MYO7B: variants seen among roughly 807,000 people sequenced by gnomAD.
MYO7B encodes myosin VIIB, also known as unconventional myosin-VIIb.
MYO7B carries 212 observed loss-of-function variants against 259.7 expected under a neutral mutation model. The observed-to-expected ratio is 0.82, with a 90% CI of 0.73 to 0.91. The LOEUF is 0.91. Ranked by LOEUF, MYO7B falls within the 40% of genes least tolerant of loss-of-function variation. The pLI is 0.00. For synonymous variants in MYO7B, 1,197 were observed against 1,166.4 expected (o/e 1.03, Z -0.54); for missense variants, 2,732 against 2,813.5 (o/e 0.97, Z 0.66).
intron 9 of MYO7B, among the ~76,000 whole-genome samples, chr2:127,578,611 G>A (rs932945745): frequency 2.0e-5 from 3 of 152,108 alleles, no homozygotes; most frequent in African/African-American, 7.2e-5. Context: ...TGTGAGCAAG[G>A]GGTGGTCTGG....
intron 3 of MYO7B, 91 bp downstream of exon 3, chr2:127,564,357 A>C: frequency 9.5e-7 from 1 of 1,051,992 alleles, no homozygotes; most frequent in Non-Finnish European, 1.4e-6. Context: ...TCTCCCCAAC[A>C]CCAGGGGCTC....
At chr2:127,551,458 G>C (rs1693440418) in intron 1 of MYO7B, among the ~76,000 whole-genome samples, 1 of 152,176 alleles carries the variant, frequency 6.6e-6, no homozygotes, top group African/African-American at 2.4e-5. Flanking sequence ...CAGGCTGAGA[G>C]ATCTTAGAGA....
At chr2:127,538,717 C>T (rs1424690139) in intron 1 of MYO7B, among the ~76,000 whole-genome samples, 1 of 152,060 alleles carries the variant, frequency 6.6e-6, no homozygotes, top group South Asian at 2.1e-4. Context: ...AGGCGCACAC[C>T]ACCACGCCCG....
chr2:127,617,889 G>A lies in MYO7B; in HGVS notation c.3399-2451G>A, dbSNP rs544391718. 2.1e-3 allele frequency among the ~76,000 whole-genome samples: 297 copies of A among 140,578 alleles called. 2 individuals are homozygous for A. Among genetic ancestry groups the A allele is most frequent in the South Asian group, 0.016 (71 of 4,404 alleles). 92.2% of individuals were successfully genotyped at this position (140,578 alleles called of 152,430 possible). A position where few individuals can be genotyped will look rare whatever the true frequency, so the allele number is the denominator to read the frequency against. On this transcript the variant is annotated intron_variant, in intron 26 of 47. Transcript: ENST00000409816. ...TTTTTTGCTCCAGCAGACCTTCCTC[G>A]CTCAAGTCCTTATAGGACCCTATTG...
Position 127,635,878 on chromosome 2 carries a change from C to T in MYO7B, c.5977C>T (p.Arg1993Cys), listed in dbSNP as rs181858311. 1.3e-4 allele frequency: 209 copies of T among 1,580,280 alleles called. 1 individual carries two copies. The East Asian group carries it at 1.5e-3, about 11-fold the overall frequency. ...GGAACTGGTGCCTGAGAACCTCACA[C>T]GCCTGATGTCCTCGGAGGAGTGGAA... Reference protein sequence around the residue: ...LRELVPENLTRLMSSEEWKKS... With the variant: ...LRELVPENLTCLMSSEEWKKS... The change falls in exon 44 of 48, where the codon CGC becomes TGC. Residue 1993 changes from arginine to cysteine, a missense_variant. Around this residue, in one of 3 missense-constraint regions of MYO7B, gnomAD observed 821 missense variants for 769.3 expected, o/e 1.07. Coordinates refer to ENST00000409816, the MANE Select transcript of MYO7B (RefSeq NM_001393586.1).
At chr2:127,542,524 C>A (rs1329716708) in intron 1 of MYO7B, among the ~76,000 whole-genome samples, 1 of 152,222 alleles carries the variant, frequency 6.6e-6, no homozygotes, top group Non-Finnish European at 1.5e-5. Context: ...ATATCCCAGA[C>A]AACCCCTGTT....
At chr2:127,624,731 C>T (rs1182883590) in intron 30 of MYO7B, among the ~76,000 whole-genome samples, 1 of 152,196 alleles carries the variant, frequency 6.6e-6, no homozygotes, top group South Asian at 2.1e-4. Context: ...CTGGGGGGCT[C>T]GGGAGGGGCT....
intron 2 of MYO7B, among the ~76,000 whole-genome samples, chr2:127,560,071 G>A (rs1485288907): frequency 1.3e-5 from 2 of 149,730 alleles, no homozygotes; most frequent in Non-Finnish European, 3.0e-5. Flanking sequence ...CTGTCACCCA[G>A]GCTGGAGTCC....
At position 127,535,957 on chromosome 2, in the gene MYO7B, A is replaced by T. The variant is rs1447532250; in HGVS notation, c.-24+126A>T. The T allele has an allele frequency of 6.6e-6, 1 of 152,578 alleles. No individual in the cohort carries two copies. Among genetic ancestry groups the T allele is most frequent in the Non-Finnish European group, 1.5e-5 (1 of 68,364 alleles). 9.5% of individuals were successfully genotyped at this position (152,578 alleles called of 1,614,324 possible). ...AACAGGTCTGAGGGATAGAGAGTGGAGAAGCCCTTCAGGAGCCTGGAAACC... is the reference window on the plus strand; with the variant it reads ...AACAGGTCTGAGGGATAGAGAGTGGTGAAGCCCTTCAGGAGCCTGGAAACC... On this transcript the variant is annotated intron_variant, in intron 1 of 47. Transcript: ENST00000409816. This position sits in a 1 kb window ranked among gnomAD's most constrained non-coding sequence, Gnocchi z 4.8.
chr2:127,628,478 G>A lies in MYO7B; in HGVS notation c.4567G>A (p.Glu1523Lys), dbSNP rs1408734790. 1 of 1,561,176 alleles carries A rather than the reference G, an allele frequency of 6.4e-7. No homozygotes were observed. Among genetic ancestry groups the A allele is most frequent in the Non-Finnish European group, 8.7e-7 (1 of 1,154,536 alleles). ...CGCTGAGCTGGTGGCCCTGTTCCTG[G>A]AGGGCCTGAAGGAGAGGTCCATTTT... ...AIAELVALFL[E>K]GLKERSIFAM... Residue 1523 changes from glutamate to lysine, a missense_variant, in exon 34 of 48, where the codon GAG (glutamate) becomes AAG (lysine). Glu to Lys is a moderately conservative substitution (Grantham distance 56). Around this residue, in one of 3 missense-constraint regions of MYO7B, gnomAD observed 1,906 missense variants for 2,026.4 expected, o/e 0.94. Transcript: ENST00000409816. This position sits in a 1 kb window ranked among gnomAD's most constrained non-coding sequence, Gnocchi z 4.8.
intron 20 of MYO7B, 47 bp downstream of exon 20, chr2:127,605,975 C>T (rs1680146554): frequency 6.7e-7 from 1 of 1,488,764 alleles, no homozygotes. Context: ...CAGCGGGTAA[C>T]TGTCCAGTAA....
intron 47 of MYO7B, 81 bp from the exon 48 acceptor site, chr2:127,637,235 G>T: frequency 9.1e-7 from 1 of 1,099,018 alleles, no homozygotes; most frequent in Non-Finnish European, 1.4e-6. Flanking sequence ...GGTTGCTGAG[G>T]AAGAGAAGGT....
Position 127,574,011 on chromosome 2 carries a change from G to A in MYO7B, c.684G>A (p.Glu228=), listed in dbSNP as rs1354186351. 5.0e-6 allele frequency: 8 copies of A among 1,613,918 alleles called. No individual in the cohort carries two copies. The highest frequency in any genetic ancestry group is 6.8e-6 in the Non-Finnish European group (8 of 1,179,902). The change falls in exon 7 of 48, where the codon GAG becomes GAA. Residue 228 remains glutamate (E), a synonymous_variant. Coordinates refer to ENST00000409816, the MANE Select transcript of MYO7B (RefSeq NM_001393586.1). ...DIYFNPSGVI[E]GARIEQFLLE... is the part of the protein sequence containing the mutation. Reference sequence around the variant, plus strand: ...ACTTTAACCCCAGCGGGGTGATCGAGGGCGCGCGCATCGAGCAATTTCTCC... The same window carrying A: ...ACTTTAACCCCAGCGGGGTGATCGAAGGCGCGCGCATCGAGCAATTTCTCC...
intron 4 of MYO7B, among the ~76,000 whole-genome samples, chr2:127,565,692 T>A (rs774277797): frequency 3.9e-5 from 6 of 152,304 alleles, no homozygotes; most frequent in Non-Finnish European, 5.9e-5. Flanking sequence ...CCAGGCATGT[T>A]GTAGAGACAG....
intron 35 of MYO7B, among the ~76,000 whole-genome samples, chr2:127,630,163 C>T (rs1320634707): frequency 6.6e-6 from 1 of 152,232 alleles, no homozygotes; most frequent in Non-Finnish European, 1.5e-5. Flanking sequence ...CCACCCCAGC[C>T]CCCAAGACCA....
chr2:127,628,296 A>T lies in MYO7B; in HGVS notation c.4461-76A>T. Reference sequence around the variant, plus strand: ...TCTGTGACTCAGGACCCCCAACCCCACCTCCCGAGGCTGTTTAGGGGCTGG... The same window carrying T: ...TCTGTGACTCAGGACCCCCAACCCCTCCTCCCGAGGCTGTTTAGGGGCTGG... On this transcript the variant is annotated intron_variant, in intron 33 of 47. Coordinates refer to ENST00000409816, the MANE Select transcript of MYO7B (RefSeq NM_001393586.1). The surrounding 1 kb of genome is among the most constrained non-coding windows in gnomAD (Gnocchi z 4.8). The T allele has an allele frequency of 6.5e-7, 1 of 1,526,798 alleles. No individual in the cohort carries two copies. The highest frequency in any genetic ancestry group is 8.8e-7 in the Non-Finnish European group (1 of 1,136,530). 94.6% of individuals were successfully genotyped at this position (1,526,798 alleles called of 1,614,324 possible). A position where few individuals can be genotyped will look rare whatever the true frequency, so the allele number is the denominator to read the frequency against.
Position 127,632,412 on chromosome 2 carries a change from T to G in MYO7B, c.5405+11T>G, listed in dbSNP as rs1681572477. The G allele has an allele frequency of 6.5e-7, 1 of 1,526,844 alleles. No homozygotes were observed. 94.6% of individuals were successfully genotyped at this position (1,526,844 alleles called of 1,614,324 possible). On this transcript the variant is annotated intron_variant, in intron 39 of 47. Coordinates refer to ENST00000409816, the MANE Select transcript of MYO7B (RefSeq NM_001393586.1). ...CCAGAAGGTCCTGAGGTGAGCCCAG[T>G]GCCTCCAGCCCCCAGCATTGGCCCT... is the stretch of plus-strand genomic sequence containing the variant.
In MYO7B at chr2:127,620,375, C is replaced by T. The variant is rs756464965; in HGVS notation, c.3434C>T (p.Ser1145Leu). Reference sequence around the variant, plus strand: ...TACTGCCAGATCTGCAAGCAGCTCTCGGAGAACTTCAAAACAAGCAGCCTG... The same window carrying T: ...TACTGCCAGATCTGCAAGCAGCTCTTGGAGAACTTCAAAACAAGCAGCCTG... Reference protein sequence around the residue: ...EIYCQICKQLSENFKTSSLAR... With the variant: ...EIYCQICKQLLENFKTSSLAR... The change falls in exon 27 of 48, where the codon TCG becomes TTG. Residue 1145 changes from serine to leucine, a missense_variant. By Grantham distance (145) the Ser-to-Leu change is moderately radical. Around this residue, in one of 3 missense-constraint regions of MYO7B, gnomAD observed 1,906 missense variants for 2,026.4 expected, o/e 0.94. Coordinates refer to ENST00000409816, the MANE Select transcript of MYO7B (RefSeq NM_001393586.1). 2.5e-5 allele frequency: 41 copies of T among 1,612,128 alleles called. No homozygotes were observed. In the Admixed American group the frequency reaches 4.0e-4, roughly 16 times the overall value.
chr2:127,574,195 A>G (rs1573640350), intron 7 of MYO7B, 133 bp downstream of exon 7: 2 of 1,161,268 alleles, frequency 1.7e-6, no homozygotes, highest in Admixed American at 2.3e-5. Flanking sequence ...CTCACTGGAT[A>G]ATGAGGGCCC....
Sources: allele counts gnomAD v4.1 joint callset (sites outside exome capture counted in the v4.1 genomes callset), GRCh38; gene constraint gnomAD v4.1.1; regional missense constraint gnomAD v4.1.1; non-coding constraint Gnocchi (gnomAD v3.1); transcripts MANE v1.5; gene names NCBI Gene and HGNC (gene_info 2026-07-23, HGNC 2026-07-21).